XXYLT1: variants seen among roughly 807,000 people sequenced by gnomAD.
The protein encoded by XXYLT1 is xyloside xylosyltransferase 1.
In XXYLT1, 20 loss-of-function variants were observed where a neutral mutation model predicts 28.9. The observed-to-expected ratio is 0.69, with a 90% CI of 0.49 to 1.00. The LOEUF is 1.00. XXYLT1 is among the 50% of genes least tolerant of loss of function. The probability of loss-of-function intolerance (pLI) is 0.00; values close to 1 mark genes in which losing one functional copy is unlikely to be tolerated. For synonymous variants in XXYLT1, 257 were observed against 253.8 expected, an observed-to-expected ratio of 1.01 and a Z score of -0.12; for missense variants, 542 against 560.1, an observed-to-expected ratio of 0.97 and a Z score of 0.33.
intron 3 of XXYLT1, among the ~76,000 whole-genome samples, chr3:195,082,088 T>G (rs1715466476): frequency 6.6e-6 from 1 of 152,002 alleles, no homozygotes; most frequent in Non-Finnish European, 1.5e-5. Context: ...TGTTACTTGC[T>G]TTTGTTTCAA....
At chr3:195,088,360 C>A (rs1171686261) in intron 3 of XXYLT1, among the ~76,000 whole-genome samples, 1 of 147,984 alleles carries the variant, frequency 6.8e-6, no homozygotes, top group Non-Finnish European at 1.5e-5. Context: ...ACTGCCTCCT[C>A]AAGTGGGTCC....
At chr3:195,270,474 A>C (rs1725983657) in intron 1 of XXYLT1, 81 bp downstream of exon 1, 2 of 1,343,960 alleles carry the variant, frequency 1.5e-6, no homozygotes, top group Admixed American at 3.8e-5. Flanking sequence ...AGTTCCCCGG[A>C]TCCCCTCCGG....
At chr3:195,237,314 C>T (rs977055368) in intron 1 of XXYLT1, among the ~76,000 whole-genome samples, 8 of 152,102 alleles carry the variant, frequency 5.3e-5, no homozygotes, top group Non-Finnish European at 1.0e-4. Context: ...CCGTGGGCAT[C>T]GGCTGAGTTC....
intron 3 of XXYLT1, among the ~76,000 whole-genome samples, chr3:195,085,354 C>T (rs755928466): frequency 1.3e-5 from 2 of 152,226 alleles, no homozygotes; most frequent in South Asian, 2.1e-4. Context: ...CCTGCCGCTC[C>T]GGCTCCAAGC....
intron 3 of XXYLT1, among the ~76,000 whole-genome samples, chr3:195,075,175 C>T (rs984117709): frequency 6.6e-6 from 1 of 152,194 alleles, no homozygotes; most frequent in Non-Finnish European, 1.5e-5. Context: ...TCGTTTGAAC[C>T]CGGGAGGCAG....
chr3:195,115,466 A>C lies in XXYLT1; in HGVS notation c.785+40983T>G, dbSNP rs147012826. On this transcript the variant is annotated intron_variant, in intron 3 of 3. Transcript: ENST00000310380. This position sits in a 1 kb window ranked among gnomAD's most constrained non-coding sequence, Gnocchi z 4.2. ...AACCTGCCCCTTGAGCCCCTCCAAC[A>C]ATGTTGTAAGCACCTAATTCCAACA... Among the ~76,000 whole-genome samples, 501 of 152,228 alleles carry C rather than the reference A, an allele frequency of 3.3e-3. No individual in the cohort carries two copies. The highest frequency in any genetic ancestry group is 0.011 in the African/African-American group (471 of 41,540).
intron 1 of XXYLT1, among the ~76,000 whole-genome samples, chr3:195,250,910 T>G (rs1474109323): frequency 6.6e-6 from 1 of 152,224 alleles, no homozygotes; most frequent in Admixed American, 6.5e-5. Flanking sequence ...TGGCTTCAGA[T>G]AGCAGCAATA....
intron 3 of XXYLT1, among the ~76,000 whole-genome samples, chr3:195,138,857 GAA>G (rs552573280): frequency 0.021 from 1,799 of 84,130 alleles, 35 homozygotes; most frequent in African/African-American, 0.07. Context: ...TCTGCCTCAG[GAA>G]AAAAAAAAAA....
intron 1 of XXYLT1, among the ~76,000 whole-genome samples, chr3:195,263,457 C>T (rs1725752411): frequency 6.6e-6 from 1 of 152,164 alleles, no homozygotes; most frequent in African/African-American, 2.4e-5. Flanking sequence ...GGTTATATCT[C>T]TTGGGAGGGA....
rs1370667236 is a variant in XXYLT1 at position 195,241,322 on chromosome 3, G to C, written c.505-14466C>G. ...ATGGGCCCCACAGGATTTAAATTAG[G>C]GCACAGCTATTCTGTGTCCTGATTT... On this transcript the variant is annotated intron_variant, in intron 1 of 3. Coordinates refer to ENST00000310380, the MANE Select transcript of XXYLT1 (RefSeq NM_152531.5). 2.0e-5 allele frequency among the ~76,000 whole-genome samples: 3 copies of C among 152,184 alleles called. No homozygotes were observed. The South Asian group carries it at 6.2e-4, about 32-fold the overall frequency.
intron 1 of XXYLT1, among the ~76,000 whole-genome samples, chr3:195,228,164 T>C (rs776085543): frequency 2.0e-5 from 3 of 152,188 alleles, no homozygotes; most frequent in Non-Finnish European, 4.4e-5. Flanking sequence ...CACTGCATCC[T>C]AGCTGCTCAA....
intron 3 of XXYLT1, among the ~76,000 whole-genome samples, chr3:195,090,775 A>G (rs1413945959): frequency 1.4e-5 from 2 of 145,386 alleles, no homozygotes; most frequent in East Asian, 4.3e-4. Context: ...TTGATAGACC[A>G]CTAGCAAGAC....
chr3:195,228,611 C>T (rs1724162368), intron 1 of XXYLT1, among the ~76,000 whole-genome samples: 1 of 151,328 alleles, frequency 6.6e-6, no homozygotes, highest in Admixed American at 6.6e-5. Context: ...GCCTCAGCCT[C>T]CCAAGTATCT....
At chr3:195,134,837 G>GTA (rs1719091397) in intron 3 of XXYLT1, among the ~76,000 whole-genome samples, 1 of 122,758 alleles carries the variant, frequency 8.1e-6, no homozygotes, top group African/African-American at 3.5e-5. Flanking sequence ...GTGTGTGTGT[G>GTA]TGTGTGTGTG....
intron 3 of XXYLT1, among the ~76,000 whole-genome samples, chr3:195,120,303 C>T (rs9831160): frequency 0.47 from 66,830 of 140,810 alleles, 16,899 homozygotes; most frequent in Non-Finnish European, 0.54. Context: ...GCCCCAGCCC[C>T]CATGGCCACA....
rs573975528 is a variant in XXYLT1, at chr3:195,211,058, C to T, written c.652+15651G>A. ...AGTCCACTGGATTCACCAGAAGCTG[C>T]GGGATTCCACCCCCAAAGGTTCTCC... On this transcript the variant is annotated intron_variant, in intron 2 of 3. Coordinates refer to ENST00000310380, the MANE Select transcript of XXYLT1 (RefSeq NM_152531.5). Among the ~76,000 whole-genome samples the T allele has an allele frequency of 1.2e-4, 19 of 152,220 alleles. No homozygotes were observed. The South Asian group carries it at 2.9e-3, about 23-fold the overall frequency.
intron 1 of XXYLT1, among the ~76,000 whole-genome samples, chr3:195,252,136 T>G (rs1725280767): frequency 6.6e-6 from 1 of 152,240 alleles, no homozygotes; most frequent in South Asian, 2.1e-4. Context: ...TATGAGACTG[T>G]TTACATAACT....
Position 195,110,706 on chromosome 3 carries a change from G to GGT in XXYLT1, c.786-40597_786-40596dup, listed in dbSNP as rs796574532. ...GTGTGCTGTATGTGTGCATGTGTGT[G>GGT]GTGTGTGTGGTGTGTGTGTGTGTGC... On this transcript the variant is annotated intron_variant, in intron 3 of 3. Transcript: ENST00000310380. 9.1e-4 allele frequency among the ~76,000 whole-genome samples: 93 copies of GGT among 102,060 alleles called. 10 individuals are homozygous for GGT. The highest frequency in any genetic ancestry group is 4.4e-3 in the African/African-American group (86 of 19,570). 67.0% of individuals were successfully genotyped at this position (102,060 alleles called of 152,430 possible).
intron 3 of XXYLT1, among the ~76,000 whole-genome samples, chr3:195,120,303 C>CCCCCCCCCCCCCCCT (rs1560106289): frequency 9.1e-5 from 13 of 142,146 alleles, no homozygotes; most frequent in Non-Finnish European, 1.2e-4. Context: ...GCCCCAGCCC[C>CCCCCCCCCCCCCCCT]CATGGCCACA....
Sources: gnomAD v4.1 joint callset for allele counts (sites outside exome capture counted in the v4.1 genomes callset) on GRCh38, gnomAD v4.1.1 for gene constraint, Gnocchi (gnomAD v3.1) non-coding constraint, MANE v1.5 for transcripts, NCBI Gene and HGNC (gene_info 2026-07-23, HGNC 2026-07-21) for gene names.